Variants in ARHGAP15 observed in about 807,000 individuals in gnomAD.
ARHGAP15 encodes the protein rho GTPase-activating protein 15.
Under a neutral mutation model 63.7 loss-of-function variants are expected in ARHGAP15, and 51 were observed. The ratio of observed to expected loss-of-function variants is 0.80; its 90% CI spans 0.64 to 1.01. The LOEUF (loss-of-function observed/expected upper bound fraction) is 1.01. Among genes scored for constraint, ARHGAP15 ranks in the 50% least tolerant of loss-of-function variants. The pLI is 0.00. For missense variants in ARHGAP15, 560 were observed against 564.6 expected (o/e 0.99, Z 0.08); for synonymous variants, 191 against 193.8 (o/e 0.99, Z 0.12).
intron 12 of ARHGAP15, among the ~76,000 whole-genome samples, chr2:143,648,393 T>A (rs1401157180): frequency 6.6e-6 from 1 of 152,040 alleles, no homozygotes; most frequent in Non-Finnish European, 1.5e-5. Flanking sequence ...TACAGGGTAA[T>A]TCAGATTTGA....
intron 8 of ARHGAP15, among the ~76,000 whole-genome samples, chr2:143,471,116 CAT>C (rs1247286988): frequency 2.7e-5 from 4 of 146,754 alleles, no homozygotes; most frequent in Non-Finnish European, 4.5e-5. Flanking sequence ...TATATACACA[CAT>C]ATACACATAC....
rs868037726 is a variant in ARHGAP15 at position 143,137,488 on chromosome 2, A to C, written c.-15+8022A>C. Among the ~76,000 whole-genome samples the C allele has an allele frequency of 3.7e-4, 56 of 152,144 alleles. No individual in the cohort carries two copies. In the Middle Eastern group the frequency reaches 0.024, roughly 65 times the overall value. ...TCAAATAAAAGACACTATATGTACTATATATATGGTACAGTTTTAGTAAGT... is the reference window on the plus strand; with the variant it reads ...TCAAATAAAAGACACTATATGTACTCTATATATGGTACAGTTTTAGTAAGT... On this transcript the variant is annotated intron_variant, in intron 1 of 13. Coordinates refer to ENST00000295095, the MANE Select transcript of ARHGAP15 (RefSeq NM_018460.4).
Position 143,235,322 on chromosome 2 carries a change from C to T in ARHGAP15, c.384+6654C>T, listed in dbSNP as rs1167727620. Among the ~76,000 whole-genome samples the T allele has an allele frequency of 2.0e-5, 3 of 148,938 alleles. No individual in the cohort carries two copies. In the South Asian group the frequency reaches 6.6e-4, roughly 33 times the overall value. On this transcript the variant is annotated intron_variant, in intron 5 of 13. Coordinates refer to ENST00000295095, the MANE Select transcript of ARHGAP15 (RefSeq NM_018460.4). ...AGATTTGAATTGGGCCTTGTAGGAC[C>T]GTTATAATTTGAATATGTGGAGATT...
chr2:143,632,041 G>A (rs1178769393), intron 12 of ARHGAP15, among the ~76,000 whole-genome samples: 1 of 151,922 alleles, frequency 6.6e-6, no homozygotes, highest in Non-Finnish European at 1.5e-5. Flanking sequence ...ATGCATAATT[G>A]TACATATTTA....
At chr2:143,443,162 T>C (rs1186424411) in intron 8 of ARHGAP15, among the ~76,000 whole-genome samples, 1 of 152,162 alleles carries the variant, frequency 6.6e-6, no homozygotes, top group Non-Finnish European at 1.5e-5. Context: ...CTCATATAAA[T>C]ACATATTTTA....
At chr2:143,408,398 C>T (rs992393991) in intron 6 of ARHGAP15, among the ~76,000 whole-genome samples, 2 of 151,360 alleles carry the variant, frequency 1.3e-5, no homozygotes, top group African/African-American at 4.8e-5. Context: ...AACTCTGGAC[C>T]ACACTATTAA....
chr2:143,184,503 A>G (rs1691362713), intron 2 of ARHGAP15, among the ~76,000 whole-genome samples: 1 of 152,174 alleles, frequency 6.6e-6, no homozygotes, highest in East Asian at 1.9e-4. Context: ...AACATTGTGT[A>G]TTAGTATGGG....
intron 13 of ARHGAP15, among the ~76,000 whole-genome samples, chr2:143,762,323 T>C (rs1355104336): frequency 6.6e-6 from 1 of 152,220 alleles, no homozygotes; most frequent in Non-Finnish European, 1.5e-5. Flanking sequence ...GATTAGTTCT[T>C]TTGCCTTTTG....
At chr2:143,483,402 G>C (rs1692165058) in intron 8 of ARHGAP15, among the ~76,000 whole-genome samples, 1 of 152,146 alleles carries the variant, frequency 6.6e-6, no homozygotes, top group African/African-American at 2.4e-5. Context: ...TACCGTGCTT[G>C]GCCCTGCATT....
chr2:143,741,799 T>C (rs908554028), intron 13 of ARHGAP15, among the ~76,000 whole-genome samples: 3 of 152,212 alleles, frequency 2.0e-5, no homozygotes, highest in Admixed American at 1.3e-4. Flanking sequence ...ATAAAACTAA[T>C]ATGCAGAAAT....
At chr2:143,327,524 G>A (rs369118619) in intron 6 of ARHGAP15, among the ~76,000 whole-genome samples, 60 of 152,230 alleles carry the variant, frequency 3.9e-4, no homozygotes, top group African/African-American at 1.4e-3. Flanking sequence ...TAACAAAACA[G>A]CTTGGTACTG....
intron 8 of ARHGAP15, among the ~76,000 whole-genome samples, chr2:143,456,540 A>G (rs902416210): frequency 1.3e-5 from 2 of 152,202 alleles, no homozygotes; most frequent in African/African-American, 4.8e-5. Context: ...TATTAGTATC[A>G]GTATGAATTA....
intron 6 of ARHGAP15, among the ~76,000 whole-genome samples, chr2:143,384,960 G>C (rs571092115): frequency 1.3e-5 from 2 of 152,142 alleles, no homozygotes; most frequent in Admixed American, 1.3e-4. Context: ...TTTATAGAAA[G>C]ATACTTTGTT....
intron 11 of ARHGAP15, among the ~76,000 whole-genome samples, chr2:143,620,668 G>T (rs1398590080): frequency 6.6e-6 from 1 of 152,150 alleles, no homozygotes; most frequent in South Asian, 2.1e-4. Flanking sequence ...GGCAGCCATG[G>T]GAAAATTGTT....
intron 2 of ARHGAP15, among the ~76,000 whole-genome samples, chr2:143,183,566 A>G (rs1002246875): frequency 6.6e-6 from 1 of 152,136 alleles, no homozygotes; most frequent in Admixed American, 6.6e-5. Flanking sequence ...AAAGGATAAG[A>G]TAAGAAATAC....
intron 2 of ARHGAP15, among the ~76,000 whole-genome samples, chr2:143,156,727 C>T (rs1032147586): frequency 4.0e-5 from 6 of 151,858 alleles, no homozygotes. Context: ...CATGAGGAAG[C>T]CAGTGATTAT....
chr2:143,175,265 C>T (rs16858721), intron 2 of ARHGAP15, among the ~76,000 whole-genome samples: 1,759 of 152,248 alleles, frequency 0.012, 40 homozygotes, highest in South Asian at 0.1. Context: ...CAAGTATTAG[C>T]AGTGCTCGAT....
chr2:143,475,634 A>G lies in ARHGAP15; in HGVS notation c.704-11739A>G, dbSNP rs536342303. ...CAAGAGCATGGGCCCCAGGCCAGGA[A>G]CCTGTCTTACAGCTGGGGAATGTGG... On this transcript the variant is annotated intron_variant, in intron 8 of 13. Coordinates refer to ENST00000295095, the MANE Select transcript of ARHGAP15 (RefSeq NM_018460.4). Among the ~76,000 whole-genome samples, 35 of 152,300 alleles carry G rather than the reference A, an allele frequency of 2.3e-4. 1 individual carries two copies. The highest frequency in any genetic ancestry group is 3.7e-4 in the Non-Finnish European group (25 of 68,024).
intron 13 of ARHGAP15, among the ~76,000 whole-genome samples, chr2:143,746,185 CCA>C (rs890096727): frequency 6.6e-6 from 1 of 152,146 alleles, no homozygotes; most frequent in Admixed American, 6.6e-5. Flanking sequence ...CTCATGACTT[CCA>C]CATTCTATTT....
Sources: allele counts gnomAD v4.1 joint callset (sites outside exome capture counted in the v4.1 genomes callset), GRCh38; gene constraint gnomAD v4.1.1; transcripts MANE v1.5; gene names NCBI Gene and HGNC (gene_info 2026-07-23, HGNC 2026-07-21).